ANKRD17: variants seen among roughly 807,000 people sequenced by gnomAD.
ANKRD17 encodes ankyrin repeat domain-containing protein 17.
A neutral mutation model predicts 229.7 loss-of-function variants in ANKRD17; 19 were observed. That is an observed-to-expected ratio of 0.08 (90% CI 0.06 to 0.12). The LOEUF (loss-of-function observed/expected upper bound fraction) is 0.12, where lower values mean the gene tolerates loss of function less well. Ranked by LOEUF, ANKRD17 falls within the 10% of genes least tolerant of loss-of-function variation. The pLI is 1.00. For missense variants in ANKRD17, 2,176 were observed against 3,176.8 expected, an observed-to-expected ratio of 0.68 and a Z score of 7.57; for synonymous variants, 1,112 against 1,146.1, an observed-to-expected ratio of 0.97 and a Z score of 0.60.
At chr4:73,083,250 G>A (rs149667657) in intron 30 of ANKRD17, among the ~76,000 whole-genome samples, 15 of 152,248 alleles carry the variant, frequency 9.9e-5, no homozygotes, top group African/African-American at 3.1e-4. Flanking sequence ...TATAAAAAAC[G>A]TTTTGGAATA....
intron 2 of ANKRD17, among the ~76,000 whole-genome samples, chr4:73,161,880 T>C (rs1732571107): frequency 6.6e-6 from 1 of 152,010 alleles, no homozygotes; most frequent in South Asian, 2.1e-4. Flanking sequence ...TTTTAATTTA[T>C]ATATATTTCT....
At chr4:73,179,505 TA>T (rs1735215598) in intron 1 of ANKRD17, among the ~76,000 whole-genome samples, 2 of 82,096 alleles carry the variant, frequency 2.4e-5, no homozygotes, top group Admixed American at 1.5e-4. Context: ...TATATATATA[TA>T]TATATATATA....
intron 1 of ANKRD17, among the ~76,000 whole-genome samples, chr4:73,185,334 C>G (rs1736151701): frequency 6.6e-6 from 1 of 151,612 alleles, no homozygotes; most frequent in Admixed American, 6.6e-5. Context: ...GGAAAATACT[C>G]TATTTATCAC....
At chr4:73,183,618 C>T (rs1247742504) in intron 1 of ANKRD17, among the ~76,000 whole-genome samples, 2 of 151,930 alleles carry the variant, frequency 1.3e-5, no homozygotes, top group East Asian at 1.9e-4. Context: ...GAAATACAGG[C>T]GCATGATACC....
At chr4:73,078,968 A>G (rs1162645258) in intron 30 of ANKRD17, 78 bp from the exon 31 acceptor site, 5 of 1,425,090 alleles carry the variant, frequency 3.5e-6, no homozygotes, top group Non-Finnish European at 4.7e-6. Context: ...TCTTAAAACC[A>G]GGAGATGTTT....
In ANKRD17 at chr4:73,184,499, G is replaced by A. The variant is rs182257508; in HGVS notation, c.394-6966C>T. Among the ~76,000 whole-genome samples the A allele has an allele frequency of 4.9e-3, 636 of 128,578 alleles. 1 individual carries two copies. Among genetic ancestry groups the A allele is most frequent in the Admixed American group, 8.6e-3 (90 of 10,522 alleles). The allele number at this position is 128,578 out of a possible 152,430, so 84.4% of individuals were successfully genotyped here. A position where few individuals can be genotyped will look rare whatever the true frequency, so the allele number is the denominator to read the frequency against. ...AGCCAAGATAGCGCCATTGCACCCAGCCTGAGGGACAAGAGCTAGACTTCC... is the reference window on the plus strand; with the variant it reads ...AGCCAAGATAGCGCCATTGCACCCAACCTGAGGGACAAGAGCTAGACTTCC... On this transcript the variant is annotated intron_variant, in intron 1 of 33. Coordinates refer to ENST00000358602, the MANE Select transcript of ANKRD17 (RefSeq NM_032217.5).
At chr4:73,118,250 G>A (rs1442923636) in intron 22 of ANKRD17, among the ~76,000 whole-genome samples, 1 of 152,032 alleles carries the variant, frequency 6.6e-6, no homozygotes, top group Non-Finnish European at 1.5e-5. Context: ...AAAGTGCTGA[G>A]ATTACAGGCA....
intron 1 of ANKRD17, among the ~76,000 whole-genome samples, chr4:73,190,088 G>A (rs1283766546): frequency 1.3e-5 from 2 of 152,080 alleles, no homozygotes; most frequent in East Asian, 3.9e-4. Context: ...GTATTCTGGG[G>A]CTGGGCGCGG....
At chr4:73,132,014 T>G (rs563547120) in intron 16 of ANKRD17, among the ~76,000 whole-genome samples, 1 of 152,288 alleles carries the variant, frequency 6.6e-6, no homozygotes, top group Admixed American at 6.5e-5. Flanking sequence ...TTTATTTTCT[T>G]ATCAAAACAA....
At chr4:73,176,630 A>G (rs542701830) in intron 2 of ANKRD17, among the ~76,000 whole-genome samples, 15 of 152,308 alleles carry the variant, frequency 9.8e-5, no homozygotes, top group African/African-American at 3.4e-4. Flanking sequence ...GAAAAAATGA[A>G]TAAGACCTAG....
intron 29 of ANKRD17, among the ~76,000 whole-genome samples, chr4:73,086,919 A>T (rs13135296): frequency 0.018 from 218 of 12,378 alleles, 3 homozygotes; most frequent in Non-Finnish European, 0.028. Flanking sequence ...AAAAAAAAAA[A>T]ATATATATAT....
chr4:73,197,876 T>A (rs1047335545), intron 1 of ANKRD17, among the ~76,000 whole-genome samples: 1 of 152,098 alleles, frequency 6.6e-6, no homozygotes, highest in African/African-American at 2.4e-5. Flanking sequence ...CTGAAGAAAT[T>A]CAGGTAAATG....
rs1175850592 is a variant in ANKRD17 at position 73,110,011 on chromosome 4, CAA to C, written c.4401+3779_4401+3780del. Reference sequence around the variant, plus strand: ...ATTACCTAGCTCCCTAAAAGTTTACCAAAAAAAAAAAAAAAAAAAAAAAAGGT... The same window carrying C: ...ATTACCTAGCTCCCTAAAAGTTTACCAAAAAAAAAAAAAAAAAAAAAAGGT... On this transcript the variant is annotated intron_variant, in intron 24 of 33. Transcript: ENST00000358602. 5.4e-4 allele frequency among the ~76,000 whole-genome samples: 18 copies of C among 33,216 alleles called. No homozygotes were observed. The South Asian group carries it at 0.016, about 30-fold the overall frequency. 21.8% of individuals were successfully genotyped at this position (33,216 alleles called of 152,430 possible). A position where few individuals can be genotyped will look rare whatever the true frequency, so the allele number is the denominator to read the frequency against.
chr4:73,140,348 T>C, intron 14 of ANKRD17, 65 bp from the exon 15 acceptor site: 1 of 1,504,190 alleles, frequency 6.6e-7, no homozygotes, highest in Non-Finnish European at 8.8e-7. Context: ...GAGTTACTGT[T>C]GGGAGGTTTA....
intron 1 of ANKRD17, among the ~76,000 whole-genome samples, chr4:73,250,766 G>A (rs1744946702): frequency 1.3e-5 from 2 of 151,536 alleles, no homozygotes; most frequent in African/African-American, 4.9e-5. Context: ...GAGTGCAAGG[G>A]CGCGATCTCT....
At chr4:73,197,099 T>A (rs1578357693) in intron 1 of ANKRD17, among the ~76,000 whole-genome samples, 2 of 152,126 alleles carry the variant, frequency 1.3e-5, no homozygotes, top group Non-Finnish European at 2.9e-5. Flanking sequence ...TCCCTACCAA[T>A]CACTCTAAAA....
At chr4:73,124,765 C>T (rs1727216808) in intron 18 of ANKRD17, 148 bp downstream of exon 18, 2 of 991,716 alleles carry the variant, frequency 2.0e-6, no homozygotes, top group Non-Finnish European at 2.9e-6. Flanking sequence ...AACAATGATA[C>T]TCATCTTTTT....
At chr4:73,148,753 T>C in intron 8 of ANKRD17, 60 bp downstream of exon 8, 2 of 1,471,382 alleles carry the variant, frequency 1.4e-6, no homozygotes, top group Non-Finnish European at 1.9e-6. Context: ...TCCAATTTTA[T>C]AAAATTATAC....
intron 22 of ANKRD17, 75 bp downstream of exon 22, chr4:73,118,613 T>C (rs758965836): frequency 1.3e-5 from 20 of 1,531,252 alleles, no homozygotes; most frequent in Admixed American, 3.6e-5. Context: ...AATGAGTCTT[T>C]AGTGATCACT....
Sources: gnomAD v4.1 joint callset for allele counts (sites outside exome capture counted in the v4.1 genomes callset) on GRCh38, gnomAD v4.1.1 for gene constraint, MANE v1.5 for transcripts, NCBI Gene and HGNC (gene_info 2026-07-23, HGNC 2026-07-21) for gene names.